The following BTBD8 variants were observed in gnomAD, a reference collection of about 807,000 sequenced individuals.
The protein encoded by BTBD8 is BTB domain containing 8, also known as BTB/POZ domain-containing protein 8.
BTBD8 carries 110 observed loss-of-function variants against 162.9 expected under a neutral mutation model. That is an observed-to-expected ratio of 0.68 (90% CI 0.58 to 0.79). BTBD8 has a LOEUF of 0.79. Ranked by LOEUF, BTBD8 falls within the 30% of genes least tolerant of loss-of-function variation. BTBD8 has a pLI of 0.00. For synonymous variants in BTBD8, 667 were observed against 716.1 expected (o/e 0.93, Z 1.10); for missense variants, 1,905 against 2,085.4 (o/e 0.91, Z 1.68).
chr1:92,099,633 T>G (rs1648537242), intron 2 of BTBD8, among the ~76,000 whole-genome samples: 1 of 152,202 alleles, frequency 6.6e-6, no homozygotes, highest in Non-Finnish European at 1.5e-5. Flanking sequence ...GTATTTTATT[T>G]TTTAGAATAC....
chr1:92,172,302 G>A lies in BTBD8; in HGVS notation c.1635+842G>A, dbSNP rs1299561943. On this transcript the variant is annotated intron_variant, in intron 13 of 17. Coordinates refer to ENST00000636805, the MANE Select transcript of BTBD8 (RefSeq NM_001376131.1). The stretch of plus-strand genomic sequence containing the variant: ...GGGGGAGTTGTTCAATGAGTACAGA[G>A]TTTCCATTTTGCAAGATGAAAAGTT... Among the ~76,000 whole-genome samples the A allele has an allele frequency of 2.6e-5, 4 of 152,264 alleles. No individual in the cohort carries two copies. The East Asian group carries it at 5.8e-4, about 22-fold the overall frequency.
At chr1:92,108,070 C>A in intron 4 of BTBD8, 69 bp downstream of exon 4, 10 of 1,402,948 alleles carry the variant, frequency 7.1e-6, no homozygotes, top group Non-Finnish European at 1.0e-5. Flanking sequence ...CTGTCTCTTA[C>A]CAGCACGGTG....
chr1:92,141,144 G>T lies in BTBD8; in HGVS notation c.863G>T (p.Gly288Val), dbSNP rs1649767660. Residue 288 changes from glycine (G) to valine (V), a missense_variant, in exon 7 of 18, where the codon GGA becomes GTA. Coordinates refer to ENST00000636805, the MANE Select transcript of BTBD8 (RefSeq NM_001376131.1). ...ATACTCAATATGGCTGATATGTATGGACTAGAAGGATTAAAAGAAGTAGCA... is the reference window on the plus strand; with the variant it reads ...ATACTCAATATGGCTGATATGTATGTACTAGAAGGATTAAAAGAAGTAGCA... ...GQILNMADMYGLEGLKEVAIY... is the reference protein window; with the variant it reads ...GQILNMADMYVLEGLKEVAIY... 1 of 1,578,334 alleles carries T rather than the reference G, an allele frequency of 6.3e-7. No individual in the cohort carries two copies. Among genetic ancestry groups the T allele is most frequent in the African/African-American group, 1.4e-5 (1 of 73,636 alleles).
chr1:92,104,055 G>C (rs1193821716), intron 3 of BTBD8, among the ~76,000 whole-genome samples: 1 of 152,208 alleles, frequency 6.6e-6, no homozygotes, highest in Middle Eastern at 3.2e-3. Context: ...GTTCAGCTGA[G>C]TGCAGCTTTC....
chr1:92,147,907 C>G, intron 9 of BTBD8, 121 bp downstream of exon 9: 1 of 796,072 alleles, frequency 1.3e-6, no homozygotes, highest in Non-Finnish European at 2.0e-6. Flanking sequence ...AGGCGTGAAC[C>G]AATTCAGATA....
chr1:92,182,535 G>C lies in BTBD8; in HGVS notation c.4852G>C (p.Gly1618Arg). 6.5e-7 allele frequency: 1 copy of C among 1,537,604 alleles called. No homozygotes were observed. The highest frequency in any genetic ancestry group is 8.7e-7 in the Non-Finnish European group (1 of 1,143,318). ...TCGGAGTCAAGTTCTGCCTCAGGAA[G>C]GTCCAGTGAAAGAGAGCCATTCTAC... Reference protein sequence around the residue: ...SFRSQVLPQEGPVKESHSTTT... With the variant: ...SFRSQVLPQERPVKESHSTTT... The change falls in exon 17 of 18, where the codon GGT becomes CGT. Residue 1618 changes from glycine (G) to arginine (R), a missense_variant. Around this residue, in one of 3 missense-constraint regions of BTBD8, gnomAD observed 517 missense variants for 606.6 expected, o/e 0.85. Transcript: ENST00000636805.
At chr1:92,094,743 A>C (rs1213029023) in intron 2 of BTBD8, among the ~76,000 whole-genome samples, 2 of 152,244 alleles carry the variant, frequency 1.3e-5, no homozygotes, top group African/African-American at 4.8e-5. Flanking sequence ...TTTCCCAAGA[A>C]GACTAACCTG....
At chr1:92,159,686 G>T (rs919012954) in intron 9 of BTBD8, among the ~76,000 whole-genome samples, 7 of 152,062 alleles carry the variant, frequency 4.6e-5, no homozygotes, top group African/African-American at 1.4e-4. Flanking sequence ...TGGTCGGCAG[G>T]GTTTGTTTGT....
intron 3 of BTBD8, among the ~76,000 whole-genome samples, chr1:92,105,347 G>A (rs561161774): frequency 6.6e-6 from 1 of 152,018 alleles, no homozygotes; most frequent in African/African-American, 2.4e-5. Context: ...CTACCTCCCA[G>A]GCCCAAGTGA....
intron 2 of BTBD8, among the ~76,000 whole-genome samples, chr1:92,093,484 A>G (rs954078037): frequency 1.3e-5 from 2 of 152,096 alleles, no homozygotes; most frequent in Non-Finnish European, 2.9e-5. Context: ...GAGCCACCGC[A>G]CCCAGCCGAA....
At chr1:92,146,512 TTATGGGTTTATACACATGTATAATG>T (rs1376602662) in intron 7 of BTBD8, among the ~76,000 whole-genome samples, 1 of 152,230 alleles carries the variant, frequency 6.6e-6, no homozygotes, top group Non-Finnish European at 1.5e-5. Context: ...GTTGTACATT[TTATGGGTTTATACACATGTATAATG>T]ACATGTATCT....
intron 12 of BTBD8, among the ~76,000 whole-genome samples, chr1:92,170,775 A>G (rs1650515066): frequency 6.6e-6 from 1 of 152,140 alleles, no homozygotes; most frequent in African/African-American, 2.4e-5. Flanking sequence ...TCAAATTCTT[A>G]TTTGAAGAGC....
rs566301198 is a variant in BTBD8, at chr1:92,171,493, A to G, written c.1635+33A>G. 4.0e-6 allele frequency: 5 copies of G among 1,245,096 alleles called. No homozygotes were observed. The Admixed American group carries it at 1.1e-4, about 27-fold the overall frequency. 77.1% of individuals were successfully genotyped at this position (1,245,096 alleles called of 1,614,324 possible). A position where few individuals can be genotyped will look rare whatever the true frequency, so the allele number is the denominator to read the frequency against. On this transcript the variant is annotated intron_variant, in intron 13 of 17. Transcript: ENST00000636805. ...TTCTAAATTTTATAGGTACAAATGAAAAAGATAACAAATTATTTAAAGCTT... is the reference window on the plus strand; with the variant it reads ...TTCTAAATTTTATAGGTACAAATGAGAAAGATAACAAATTATTTAAAGCTT...
chr1:92,174,149 G>A (rs908211731), intron 13 of BTBD8, among the ~76,000 whole-genome samples: 14 of 152,070 alleles, frequency 9.2e-5, no homozygotes, highest in African/African-American at 3.4e-4. Flanking sequence ...TATTAGGTAC[G>A]TGAGGATTCA....
At chr1:92,165,579 A>T (rs958042234) in intron 9 of BTBD8, among the ~76,000 whole-genome samples, 2 of 151,990 alleles carry the variant, frequency 1.3e-5, no homozygotes, top group African/African-American at 4.8e-5. Flanking sequence ...TCATTTCCAG[A>T]TTTATCAATG....
intron 4 of BTBD8, among the ~76,000 whole-genome samples, chr1:92,112,859 C>CAAAT (rs1447558085): frequency 6.6e-6 from 1 of 152,038 alleles, no homozygotes; most frequent in Non-Finnish European, 1.5e-5. Flanking sequence ...GGAATTAAAG[C>CAAAT]AAATAAATAA....
rs781293721 is a variant in BTBD8, at chr1:92,178,378, A to T, written c.2508A>T (p.Arg836Ser). The T allele has an allele frequency of 2.6e-6, 4 of 1,551,542 alleles. No homozygotes were observed. Among genetic ancestry groups the T allele is most frequent in the Non-Finnish European group, 3.5e-6 (4 of 1,146,762 alleles). The change falls in exon 16 of 18, where the codon AGA becomes AGT. Residue 836 changes from arginine to serine, a missense_variant. Arg to Ser is a moderately radical substitution (Grantham distance 110). Transcript: ENST00000636805. ...TACCACAGGCAATTTTGAAGAAAAG[A>T]GGAACTAGCAATGGATGTACTGCAG... ...EPVPQAILKK[R>S]GTSNGCTAAQ...
chr1:92,161,408 A>G (rs1417033512), intron 9 of BTBD8, among the ~76,000 whole-genome samples: 1 of 152,226 alleles, frequency 6.6e-6, no homozygotes, highest in East Asian at 1.9e-4. Context: ...GAATTTTTAA[A>G]TATGTTTTAG....
At chr1:92,126,982 A>C (rs1041686192) in intron 4 of BTBD8, among the ~76,000 whole-genome samples, 2 of 152,218 alleles carry the variant, frequency 1.3e-5, no homozygotes, top group African/African-American at 4.8e-5. Context: ...CTAGTTTAAC[A>C]GTGGAAAAAT....
Sources: allele counts gnomAD v4.1 joint callset (sites outside exome capture counted in the v4.1 genomes callset), GRCh38; gene constraint gnomAD v4.1.1; regional missense constraint gnomAD v4.1.1; transcripts MANE v1.5; gene names NCBI Gene and HGNC (gene_info 2026-07-23, HGNC 2026-07-21).